The following DNAJC1 variants were observed in gnomAD, a reference collection of about 807,000 sequenced individuals.
DNAJC1 encodes the protein dnaJ homolog subfamily C member 1.
In DNAJC1, 58 loss-of-function variants were observed where a neutral mutation model predicts 76.6. The observed-to-expected ratio is 0.76, with a 90% CI of 0.61 to 0.94. DNAJC1 has a LOEUF of 0.94. DNAJC1 is among the 40% of genes least tolerant of loss of function. The probability of loss-of-function intolerance (pLI) is 0.00; values close to 1 mark genes in which losing one functional copy is unlikely to be tolerated. For missense variants in DNAJC1, 689 were observed against 677.3 expected, an observed-to-expected ratio of 1.02 and a Z score of -0.19; for synonymous variants, 258 against 267.9, an observed-to-expected ratio of 0.96 and a Z score of 0.36.
intron 6 of DNAJC1, among the ~76,000 whole-genome samples, chr10:21,911,440 A>G (rs2131755710): frequency 6.6e-6 from 1 of 152,308 alleles, no homozygotes; most frequent in South Asian, 2.1e-4. Context: ...AATATAGAAA[A>G]ACTGTAAAAT....
chr10:21,790,010 T>TAAAA (rs35639440), intron 9 of DNAJC1, among the ~76,000 whole-genome samples: 11 of 41,064 alleles, frequency 2.7e-4, no homozygotes, highest in African/African-American at 1.1e-3. Flanking sequence ...GCTCTGTCTT[T>TAAAA]AAAAAAAAAA....
At position 21,828,884 on chromosome 10, in the gene DNAJC1, A is replaced by C. The variant is rs182603979; in HGVS notation, c.979-22785T>G. 2.2e-3 allele frequency among the ~76,000 whole-genome samples: 341 copies of C among 152,282 alleles called. 1 individual carries two copies. The highest frequency in any genetic ancestry group is 3.8e-3 in the Non-Finnish European group (258 of 68,026). ...AAAGAACTTCAGGAATTTTTTCTCT[A>C]TATATATCAGAATAATCCATATAAG... is the stretch of plus-strand genomic sequence containing the variant. On this transcript the variant is annotated intron_variant, in intron 8 of 11. Transcript: ENST00000376980.
chr10:21,864,153 G>A (rs1564811413), intron 8 of DNAJC1, among the ~76,000 whole-genome samples: 1 of 152,090 alleles, frequency 6.6e-6, no homozygotes, highest in Non-Finnish European at 1.5e-5. Context: ...TGAGCCAGGA[G>A]GCAGAGATTG....
intron 8 of DNAJC1, among the ~76,000 whole-genome samples, chr10:21,822,376 T>C (rs890295726): frequency 6.6e-6 from 1 of 151,650 alleles, no homozygotes; most frequent in Non-Finnish European, 1.5e-5. Flanking sequence ...GAGGCGGAGG[T>C]TGCAGTGAGC....
At chr10:21,946,148 C>T (rs563576093) in intron 1 of DNAJC1, among the ~76,000 whole-genome samples, 1 of 130,730 alleles carries the variant, frequency 7.6e-6, no homozygotes, top group East Asian at 2.4e-4. Context: ...TCAAGCGATT[C>T]TCCTTCCTCA....
At chr10:21,977,407 T>C (rs565393908) in intron 1 of DNAJC1, among the ~76,000 whole-genome samples, 1 of 152,188 alleles carries the variant, frequency 6.6e-6, no homozygotes, top group Non-Finnish European at 1.5e-5. Flanking sequence ...CTCCTTATTT[T>C]GTAGACATCC....
intron 9 of DNAJC1, among the ~76,000 whole-genome samples, chr10:21,778,173 G>A (rs1396572862): frequency 1.3e-5 from 2 of 152,070 alleles, no homozygotes; most frequent in African/African-American, 4.8e-5. Flanking sequence ...CAGCCTGGGC[G>A]ACAGAGTGAG....
At chr10:21,838,996 G>A (rs1056051319) in intron 8 of DNAJC1, among the ~76,000 whole-genome samples, 3 of 152,192 alleles carry the variant, frequency 2.0e-5, no homozygotes, top group Non-Finnish European at 2.9e-5. Flanking sequence ...GCTCCTGAAT[G>A]ACTACTGGGT....
At chr10:21,814,505 T>A (rs1835042062) in intron 8 of DNAJC1, among the ~76,000 whole-genome samples, 1 of 152,202 alleles carries the variant, frequency 6.6e-6, no homozygotes, top group South Asian at 2.1e-4. Context: ...ATTAGAACAA[T>A]GGCTGGTTCA....
intron 1 of DNAJC1, among the ~76,000 whole-genome samples, chr10:21,955,048 A>C (rs923536746): frequency 1.3e-5 from 2 of 152,070 alleles, no homozygotes; most frequent in South Asian, 4.1e-4. Flanking sequence ...GCAGCACCCC[A>C]CCAGATGCCA....
intron 1 of DNAJC1, among the ~76,000 whole-genome samples, chr10:21,946,682 T>C (rs895785153): frequency 1.3e-5 from 2 of 152,120 alleles, no homozygotes; most frequent in African/African-American, 4.8e-5. Context: ...GCAACAGAAA[T>C]GCATATATAA....
chr10:21,878,346 A>G (rs1047209850), intron 8 of DNAJC1, among the ~76,000 whole-genome samples: 13 of 152,226 alleles, frequency 8.5e-5, no homozygotes, highest in African/African-American at 3.1e-4. Flanking sequence ...GCCTACTGCA[A>G]CAGCAACGAG....
intron 9 of DNAJC1, among the ~76,000 whole-genome samples, chr10:21,787,037 CAG>C (rs1196691124): frequency 1.3e-5 from 2 of 152,048 alleles, no homozygotes; most frequent in South Asian, 2.1e-4. Context: ...CAGAGAGAAA[CAG>C]AGTCTTGGCT....
intron 11 of DNAJC1, among the ~76,000 whole-genome samples, chr10:21,758,827 G>C (rs921515565): frequency 6.6e-6 from 1 of 152,196 alleles, no homozygotes. Flanking sequence ...TGCATTTCAC[G>C]GTGAGGCAGC....
chr10:21,756,765 G>T lies in DNAJC1; in HGVS notation c.1597-10C>A. The T allele has an allele frequency of 1.2e-6, 2 of 1,610,902 alleles. No individual in the cohort carries two copies. Among genetic ancestry groups the T allele is most frequent in the Non-Finnish European group, 1.7e-6 (2 of 1,179,402 alleles). The stretch of plus-strand genomic sequence containing the variant: ...TAGCGATACAGTCTTCCTGTAGGAA[G>T]AAAAAAAGAGAGGTGAGAACAGTCA... On this transcript the variant is annotated splice_polypyrimidine_tract_variant and intron_variant, in intron 11 of 11. Coordinates refer to ENST00000376980, the MANE Select transcript of DNAJC1 (RefSeq NM_022365.4).
chr10:21,773,956 A>T (rs1344608172), intron 9 of DNAJC1, among the ~76,000 whole-genome samples: 1 of 151,192 alleles, frequency 6.6e-6, no homozygotes, highest in Non-Finnish European at 1.5e-5. Context: ...CCCGGCTAAA[A>T]CGGTGAAACC....
Position 21,845,495 on chromosome 10 carries a change from T to C in DNAJC1, c.978+36787A>G, listed in dbSNP as rs1289105295. On this transcript the variant is annotated intron_variant, in intron 8 of 11. Transcript: ENST00000376980. ...TTAGCCTCCCGAGTAGCTGGGACTATAGGTGTGTGCCACCATGCCCGGCTA... is the reference window on the plus strand; with the variant it reads ...TTAGCCTCCCGAGTAGCTGGGACTACAGGTGTGTGCCACCATGCCCGGCTA... Among the ~76,000 whole-genome samples the C allele has an allele frequency of 5.9e-5, 9 of 151,822 alleles. No individual in the cohort carries two copies. The East Asian group carries it at 1.4e-3, about 23-fold the overall frequency.
In DNAJC1 at chr10:21,916,467, C is replaced by G. The variant is rs554815126; in HGVS notation, c.729+2312G>C. Among the ~76,000 whole-genome samples, 43 of 151,834 alleles carry G rather than the reference C, an allele frequency of 2.8e-4. 1 individual carries two copies. The South Asian group carries it at 8.9e-3, about 32-fold the overall frequency. ...TCGCGCCACTGCACTCCAGCCTGGGCGACAGAGCAAGACTCCGTCTCAAAA... is the reference window on the plus strand; with the variant it reads ...TCGCGCCACTGCACTCCAGCCTGGGGGACAGAGCAAGACTCCGTCTCAAAA... On this transcript the variant is annotated intron_variant, in intron 6 of 11. Transcript: ENST00000376980.
intron 9 of DNAJC1, among the ~76,000 whole-genome samples, chr10:21,798,273 C>T (rs1284053075): frequency 6.6e-6 from 1 of 152,192 alleles, no homozygotes; most frequent in Non-Finnish European, 1.5e-5. Flanking sequence ...CCTGGCCTTC[C>T]TTCCTGCTTT....
Sources: gnomAD v4.1 joint callset for allele counts (sites outside exome capture counted in the v4.1 genomes callset) on GRCh38, gnomAD v4.1.1 for gene constraint, MANE v1.5 for transcripts, NCBI Gene and HGNC (gene_info 2026-07-23, HGNC 2026-07-21) for gene names.